KCNIP1: variants seen among roughly 807,000 people sequenced by gnomAD.
KCNIP1 encodes A-type potassium channel modulatory protein KCNIP1.
In KCNIP1, 18 loss-of-function variants were observed where a neutral mutation model predicts 33.0. The observed-to-expected ratio is 0.55, with a 90% CI of 0.38 to 0.81. The LOEUF (loss-of-function observed/expected upper bound fraction) is 0.81. Ranked by LOEUF, KCNIP1 falls within the 30% of genes least tolerant of loss-of-function variation. The probability of loss-of-function intolerance (pLI) is 0.00; values close to 1 mark genes in which losing one functional copy is unlikely to be tolerated. For missense variants in KCNIP1, 238 were observed against 271.6 expected (o/e 0.88, Z 0.87); for synonymous variants, 93 against 98.3 (o/e 0.95, Z 0.32).
chr5:170,534,893 C>T (rs1581286565), intron 1 of KCNIP1, among the ~76,000 whole-genome samples: 1 of 151,946 alleles, frequency 6.6e-6, no homozygotes, highest in East Asian at 1.9e-4. Context: ...AGTTGAGGCC[C>T]GGGAGACTTG....
chr5:170,610,725 G>A lies in KCNIP1; in HGVS notation c.61+106092G>A, dbSNP rs183092881. Among the ~76,000 whole-genome samples, 176 of 152,278 alleles carry A rather than the reference G, an allele frequency of 1.2e-3. 1 individual carries two copies. The highest frequency in any genetic ancestry group is 3.9e-3 in the African/African-American group (164 of 41,542). On this transcript the variant is annotated intron_variant, in intron 1 of 7. Coordinates refer to ENST00000328939, the MANE Select transcript of KCNIP1 (RefSeq NM_014592.4). ...TAAAAATTCAATGGGCTAACAGACC[G>A]TATGCTTAGTATGGTGCTTAGTATG...
intron 1 of KCNIP1, among the ~76,000 whole-genome samples, chr5:170,452,852 A>T (rs1343067740): frequency 6.6e-6 from 1 of 152,228 alleles, no homozygotes; most frequent in Non-Finnish European, 1.5e-5. Context: ...AGGAATTGTT[A>T]TTCACTCGTT....
chr5:170,430,408 T>C (rs895405938), intron 1 of KCNIP1, among the ~76,000 whole-genome samples: 1 of 152,214 alleles, frequency 6.6e-6, no homozygotes, highest in Non-Finnish European at 1.5e-5. Flanking sequence ...TTCAAATTGT[T>C]CTACTTGCCC....
In KCNIP1 at chr5:170,489,520, C is replaced by T. The variant is rs1464192425; in HGVS notation, c.88+135556C>T. Among the ~76,000 whole-genome samples, 1 of 152,196 alleles carries T rather than the reference C, an allele frequency of 6.6e-6. No individual in the cohort carries two copies. The highest frequency in any genetic ancestry group is 1.5e-5 in the Non-Finnish European group (1 of 68,044). ...TCTCCATATTGCTAGACCCCCTTCT[C>T]TTGGTCCCCTGCCTCCTCCCACTGG... On this transcript the variant is annotated intron_variant, in intron 1 of 7. Transcript: ENST00000377360. The surrounding 1 kb of genome is among the most constrained non-coding windows in gnomAD (Gnocchi z 4.3).
chr5:170,378,148 G>A (rs1230392996), intron 1 of KCNIP1: 1 of 152,304 alleles, frequency 6.6e-6, no homozygotes, highest in African/African-American at 2.4e-5. Flanking sequence ...GTTCTCATGT[G>A]TTTCCTTGCA....
At chr5:170,664,432 A>G (rs1202105980) in intron 1 of KCNIP1, among the ~76,000 whole-genome samples, 1 of 152,028 alleles carries the variant, frequency 6.6e-6, no homozygotes, top group African/African-American at 2.4e-5. Context: ...TCCCCACTGC[A>G]CTATAAGATC....
chr5:170,367,416 A>AGGAAGGAAG (rs202229545), intron 1 of KCNIP1, among the ~76,000 whole-genome samples: 1 of 119,902 alleles, frequency 8.3e-6, no homozygotes, highest in African/African-American at 3.5e-5. Context: ...AAAGAAAGAA[A>AGGAAGGAAG]GAAAGGAAAG....
intron 1 of KCNIP1, among the ~76,000 whole-genome samples, chr5:170,580,176 T>C (rs1221487951): frequency 1.3e-5 from 2 of 152,000 alleles, no homozygotes; most frequent in Non-Finnish European, 2.9e-5. Context: ...GTCCAGTGGG[T>C]AGAGGTAAAG....
At chr5:170,608,181 C>T (rs1315491498) in intron 1 of KCNIP1, among the ~76,000 whole-genome samples, 2 of 152,156 alleles carry the variant, frequency 1.3e-5, no homozygotes, top group African/African-American at 4.8e-5. Context: ...TACATTCATT[C>T]CAGAAAAGAC....
chr5:170,434,856 G>A (rs1755824546), intron 1 of KCNIP1, among the ~76,000 whole-genome samples: 1 of 152,226 alleles, frequency 6.6e-6, no homozygotes, highest in Non-Finnish European at 1.5e-5. Flanking sequence ...TCGGGAGGCT[G>A]AGGCAGGAGA....
chr5:170,552,534 C>T (rs1488210770), intron 1 of KCNIP1, among the ~76,000 whole-genome samples: 2 of 151,936 alleles, frequency 1.3e-5, no homozygotes, highest in East Asian at 3.9e-4. Context: ...AAGGAGGTGG[C>T]GTTTGTGTTC....
chr5:170,606,804 G>C (rs1306943864), intron 1 of KCNIP1, among the ~76,000 whole-genome samples: 1 of 152,182 alleles, frequency 6.6e-6, no homozygotes, highest in Non-Finnish European at 1.5e-5. Flanking sequence ...CTTGTTCTTT[G>C]CAGAACCTCA....
intron 1 of KCNIP1, among the ~76,000 whole-genome samples, chr5:170,390,979 T>G (rs1184227176): frequency 1.3e-5 from 2 of 152,046 alleles, no homozygotes; most frequent in East Asian, 3.9e-4. Context: ...AGGCGGTGAG[T>G]GCCCTTCTCC....
intron 1 of KCNIP1, among the ~76,000 whole-genome samples, chr5:170,670,908 A>AT (rs1300896044): frequency 2.0e-3 from 270 of 132,278 alleles, no homozygotes; most frequent in African/African-American, 6.5e-3. Flanking sequence ...AAAACAAAAA[A>AT]AAAAATAAAA....
At chr5:170,577,764 T>C (rs147605720) in intron 1 of KCNIP1, among the ~76,000 whole-genome samples, 252 of 152,248 alleles carry the variant, frequency 1.7e-3, no homozygotes, top group Middle Eastern at 3.4e-3. Flanking sequence ...ATAATAGAAA[T>C]GAGCACATTT....
At chr5:170,512,355 T>C (rs1329486432) in intron 1 of KCNIP1, among the ~76,000 whole-genome samples, 1 of 152,208 alleles carries the variant, frequency 6.6e-6, no homozygotes, top group Non-Finnish European at 1.5e-5. Flanking sequence ...ACACAAGAAC[T>C]TGCTAGTACA....
At chr5:170,701,436 T>A (rs7710016) in intron 1 of KCNIP1, among the ~76,000 whole-genome samples, 24,466 of 152,110 alleles carry the variant, frequency 0.16, 2,381 homozygotes, top group African/African-American at 0.27. Context: ...AAAGCGTCAC[T>A]CCAGGCTTAG....
At chr5:170,425,137 A>G (rs1755583682) in intron 1 of KCNIP1, among the ~76,000 whole-genome samples, 1 of 152,192 alleles carries the variant, frequency 6.6e-6, no homozygotes, top group African/African-American at 2.4e-5. Flanking sequence ...ACAGCACTGA[A>G]CACTGTCTCT....
intron 1 of KCNIP1, among the ~76,000 whole-genome samples, chr5:170,408,173 T>C (rs1273689150): frequency 6.6e-6 from 1 of 152,180 alleles, no homozygotes. Flanking sequence ...TAGTCAATAG[T>C]GGATGGCATT....
Sources: gnomAD v4.1 joint callset for allele counts (sites outside exome capture counted in the v4.1 genomes callset) on GRCh38, gnomAD v4.1.1 for gene constraint, Gnocchi (gnomAD v3.1) non-coding constraint, MANE v1.5 for transcripts, NCBI Gene and HGNC (gene_info 2026-07-23, HGNC 2026-07-21) for gene names.